The following C8orf34 variants were observed in gnomAD, a reference collection of about 807,000 sequenced individuals.
C8orf34 encodes the protein chromosome 8 open reading frame 34.
Under a neutral mutation model 68.3 loss-of-function variants are expected in C8orf34, and 65 were observed. That is an observed-to-expected ratio of 0.95 (90% CI 0.78 to 1.17). C8orf34 has a LOEUF of 1.17. Among genes scored for constraint, C8orf34 ranks in the 50% most tolerant of loss-of-function variants. The pLI, the probability that C8orf34 is intolerant of heterozygous loss-of-function variation, is 0.00. For synonymous variants in C8orf34, 244 were observed against 241.2 expected (o/e 1.01, Z -0.11); for missense variants, 664 against 655.4 (o/e 1.01, Z -0.14).
chr8:68,804,871 A>G (rs116976925), intron 12 of C8orf34, among the ~76,000 whole-genome samples: 6,002 of 152,264 alleles, frequency 0.039, 146 homozygotes, highest in Non-Finnish European at 0.059. Flanking sequence ...CAGAATAAAT[A>G]CCCTCAATTT....
chr8:68,399,136 T>C (rs1347049481), intron 1 of C8orf34, among the ~76,000 whole-genome samples: 1 of 152,130 alleles, frequency 6.6e-6, no homozygotes, highest in Non-Finnish European at 1.5e-5. Flanking sequence ...GTCCTAATAA[T>C]AGTGAAAATT....
At chr8:68,629,984 C>G (rs1818643803) in intron 7 of C8orf34, among the ~76,000 whole-genome samples, 1 of 151,940 alleles carries the variant, frequency 6.6e-6, no homozygotes, top group South Asian at 2.1e-4. Context: ...ATTGCATTTA[C>G]CTCATGAATA....
intron 1 of C8orf34, among the ~76,000 whole-genome samples, chr8:68,387,593 T>C (rs1808313100): frequency 6.6e-6 from 1 of 152,100 alleles, no homozygotes; most frequent in African/African-American, 2.4e-5. Context: ...AGACACCAAG[T>C]TCCTAAGGAA....
intron 8 of C8orf34, among the ~76,000 whole-genome samples, chr8:68,692,962 G>C (rs1194219523): frequency 3.3e-5 from 5 of 152,066 alleles, no homozygotes; most frequent in Non-Finnish European, 5.9e-5. Context: ...CAGACATCTA[G>C]AAAGAGATAA....
chr8:68,407,334 T>C (rs1013182186), intron 1 of C8orf34, among the ~76,000 whole-genome samples: 57 of 152,120 alleles, frequency 3.7e-4, no homozygotes, highest in African/African-American at 1.4e-3. Flanking sequence ...CCCCATTTGA[T>C]TTACAATGGG....
At chr8:68,386,144 C>T (rs1397799335) in intron 1 of C8orf34, among the ~76,000 whole-genome samples, 1 of 152,132 alleles carries the variant, frequency 6.6e-6, no homozygotes, top group Non-Finnish European at 1.5e-5. Flanking sequence ...TGGGCTTAAG[C>T]ATTCCTCACA....
intron 8 of C8orf34, among the ~76,000 whole-genome samples, chr8:68,690,748 G>T (rs1171026448): frequency 6.6e-6 from 1 of 152,044 alleles, no homozygotes; most frequent in East Asian, 1.9e-4. Flanking sequence ...AAATGAAATG[G>T]TAACCCTCAT....
intron 1 of C8orf34, among the ~76,000 whole-genome samples, chr8:68,400,675 C>T (rs981150905): frequency 2.0e-5 from 3 of 152,142 alleles, no homozygotes; most frequent in African/African-American, 7.2e-5. Context: ...ATCCTCCTGC[C>T]TCAGCCTTCT....
At chr8:68,432,220 G>A (rs1026965629) in intron 1 of C8orf34, among the ~76,000 whole-genome samples, 1 of 151,424 alleles carries the variant, frequency 6.6e-6, no homozygotes, top group South Asian at 2.1e-4. Flanking sequence ...TATGCATCTT[G>A]TATGCAATTC....
intron 7 of C8orf34, among the ~76,000 whole-genome samples, chr8:68,614,093 A>G (rs1044417663): frequency 5.3e-5 from 8 of 152,170 alleles, no homozygotes; most frequent in Admixed American, 4.6e-4. Flanking sequence ...TCTTCTTTTG[A>G]GAAGTGTCTG....
chr8:68,614,683 T>G (rs1310845415), intron 7 of C8orf34, among the ~76,000 whole-genome samples: 1 of 152,218 alleles, frequency 6.6e-6, no homozygotes, highest in East Asian at 1.9e-4. Flanking sequence ...GCTGTTTTGG[T>G]TACTGTAGCC....
At chr8:68,492,684 T>C (rs1813365837) in intron 5 of C8orf34, among the ~76,000 whole-genome samples, 1 of 152,124 alleles carries the variant, frequency 6.6e-6, no homozygotes, top group Non-Finnish European at 1.5e-5. Context: ...ATAGTTTTAT[T>C]TATTTTCACA....
At chr8:68,461,315 T>C (rs573863214) in intron 3 of C8orf34, among the ~76,000 whole-genome samples, 1 of 152,298 alleles carries the variant, frequency 6.6e-6, no homozygotes, top group East Asian at 1.9e-4. Flanking sequence ...CTACATCTGA[T>C]TGGTGTACCT....
intron 1 of C8orf34, among the ~76,000 whole-genome samples, chr8:68,390,746 C>T (rs1205874232): frequency 2.0e-5 from 3 of 152,052 alleles, no homozygotes; most frequent in Non-Finnish European, 4.4e-5. Flanking sequence ...AGGGTAGTCA[C>T]AGTCTGTATC....
At chr8:68,604,489 T>G (rs1369192433) in intron 7 of C8orf34, among the ~76,000 whole-genome samples, 2 of 152,140 alleles carry the variant, frequency 1.3e-5, no homozygotes, top group African/African-American at 4.8e-5. Context: ...AAATTAGTTA[T>G]AGCAATAAGT....
intron 7 of C8orf34, among the ~76,000 whole-genome samples, chr8:68,538,982 A>G (rs1210438701): frequency 6.6e-6 from 1 of 152,186 alleles, no homozygotes; most frequent in Non-Finnish European, 1.5e-5. Flanking sequence ...AGAAATTTGT[A>G]CTATATGTTT....
chr8:68,798,189 A>G lies in C8orf34; in HGVS notation c.1549+10653A>G, dbSNP rs561927545. 1.4e-3 allele frequency among the ~76,000 whole-genome samples: 217 copies of G among 151,102 alleles called. 1 individual carries two copies. The highest frequency in any genetic ancestry group is 5.0e-3 in the African/African-American group (205 of 41,180). ...TTTTAAATAGAGACAAGGTCTTGCT[A>G]TGTTGCCCAAGCTGGTCTCAAACTC... is the stretch of plus-strand genomic sequence containing the variant. On this transcript the variant is annotated intron_variant, in intron 12 of 13. Transcript: ENST00000518698.
intron 1 of C8orf34, among the ~76,000 whole-genome samples, chr8:68,407,351 T>G (rs1809246172): frequency 6.6e-6 from 1 of 152,152 alleles, no homozygotes. Flanking sequence ...TGGGGCATAT[T>G]CGTAAAACTG....
chr8:68,447,447 C>CGT (rs1267805457), intron 3 of C8orf34: 1 of 152,170 alleles, frequency 6.6e-6, no homozygotes, highest in Non-Finnish European at 1.5e-5. Context: ...GCTATCCCCA[C>CGT]ATATGTATAA....
Sources: allele counts gnomAD v4.1 joint callset (sites outside exome capture counted in the v4.1 genomes callset), GRCh38; gene constraint gnomAD v4.1.1; transcripts MANE v1.5; gene names NCBI Gene and HGNC (gene_info 2026-07-23, HGNC 2026-07-21).